Variants in ANKHD1 observed in about 807,000 individuals in gnomAD.
The protein encoded by ANKHD1 is ankyrin repeat and KH domain-containing protein 1.
Under a neutral mutation model 230.5 loss-of-function variants are expected in ANKHD1, and 31 were observed. That is an observed-to-expected ratio of 0.13 (90% CI 0.10 to 0.18). The LOEUF (loss-of-function observed/expected upper bound fraction) is 0.18. ANKHD1 is among the 10% of genes least tolerant of loss of function. The pLI is 1.00. For synonymous variants in ANKHD1, 1,074 were observed against 1,117.6 expected (o/e 0.96, Z 0.78); for missense variants, 2,256 against 3,071.3 (o/e 0.73, Z 6.27).
chr5:140,470,611 CT>C (rs386405120), intron 10 of ANKHD1, among the ~76,000 whole-genome samples: 1,393 of 71,774 alleles, frequency 0.019, 11 homozygotes, highest in African/African-American at 0.059. Context: ...CTTGTTTCTG[CT>C]TTTTTTTTTT....
At position 140,539,562 on chromosome 5, in the gene ANKHD1, T is replaced by A. The variant is rs985085392; in HGVS notation, c.*144T>A. 1.1e-6 allele frequency: 1 copy of A among 881,882 alleles called. No homozygotes were observed. The highest frequency in any genetic ancestry group is 1.7e-5 in the African/African-American group (1 of 58,998). 54.6% of individuals were successfully genotyped at this position (881,882 alleles called of 1,614,324 possible). Reference sequence around the variant, plus strand: ...GATTGCCCATTGTATAAGAACAAATTGATTTCCTATCCACCTGATTATGTT... The same window carrying A: ...GATTGCCCATTGTATAAGAACAAATAGATTTCCTATCCACCTGATTATGTT... On this transcript the variant is annotated 3_prime_UTR_variant, in exon 34 of 34. Coordinates refer to ENST00000360839, the MANE Select transcript of ANKHD1 (RefSeq NM_017747.3).
intron 24 of ANKHD1, among the ~76,000 whole-genome samples, chr5:140,518,361 A>C (rs1448324528): frequency 3.3e-5 from 5 of 152,148 alleles, no homozygotes; most frequent in Non-Finnish European, 7.3e-5. Flanking sequence ...CCAGAGGTAC[A>C]AGGAGGAGCT....
At chr5:140,459,026 ATATT>A (rs1171701144) in intron 8 of ANKHD1, 134 bp from the exon 9 acceptor site, 46 of 160,140 alleles carry the variant, frequency 2.9e-4, no homozygotes, top group Non-Finnish European at 4.2e-4. Context: ...ATATATATAT[ATATT>A]GCATTGATGA....
chr5:140,442,950 G>A (rs765085110), intron 5 of ANKHD1, among the ~76,000 whole-genome samples: 1 of 150,920 alleles, frequency 6.6e-6, no homozygotes, highest in East Asian at 1.9e-4. Context: ...CTGTTGCCCA[G>A]ACTGGAGTGC....
intron 4 of ANKHD1, 95 bp downstream of exon 4, chr5:140,440,361 C>G: frequency 7.0e-7 from 1 of 1,433,986 alleles, no homozygotes; most frequent in African/African-American, 1.5e-5. Flanking sequence ...AATTAGAGGC[C>G]AGAGTCTTCT....
intron 10 of ANKHD1, among the ~76,000 whole-genome samples, chr5:140,466,580 AC>A (rs1273912470): frequency 2.0e-5 from 3 of 152,192 alleles, no homozygotes; most frequent in African/African-American, 2.4e-5. Context: ...CCTTAGAAGA[AC>A]TACATTAATT....
At chr5:140,422,302 C>T (rs143491437) in intron 1 of ANKHD1, among the ~76,000 whole-genome samples, 8,589 of 151,804 alleles carry the variant, frequency 0.057, 831 homozygotes, top group African/African-American at 0.2. Flanking sequence ...TTTTGTATTT[C>T]TTAGGAGAGA....
intron 2 of ANKHD1, among the ~76,000 whole-genome samples, chr5:140,437,458 T>G (rs1179777935): frequency 6.6e-6 from 1 of 152,236 alleles, no homozygotes; most frequent in African/African-American, 2.4e-5. Context: ...ATCCCAGCAC[T>G]TCGGGAGGCC....
chr5:140,529,003 G>C lies in ANKHD1; in HGVS notation c.6057G>C (p.Glu2019Asp), dbSNP rs1407349190. The change falls in exon 29 of 34, where the codon GAG (glutamate) becomes GAC (aspartate). Residue 2019 changes from glutamate (E) to aspartate (D), a missense_variant. By Grantham distance (45) the Glu-to-Asp change is conservative. Transcript: ENST00000360839. ...SQAQLSSQKM[E>D]SFSAVPPTKE... ...CACAGCTTTCTTCACAAAAGATGGA[G>C]TCTTTCTCTGCTGTGCCACCCACCA... is the stretch of plus-strand genomic sequence containing the variant. 2 of 1,614,010 alleles carry C rather than the reference G, an allele frequency of 1.2e-6. No homozygotes were observed. Among genetic ancestry groups the C allele is most frequent in the African/African-American group, 2.7e-5 (2 of 74,918 alleles).
intron 1 of ANKHD1, among the ~76,000 whole-genome samples, chr5:140,410,704 C>T (rs1045271119): frequency 8.5e-5 from 13 of 152,094 alleles, no homozygotes; most frequent in African/African-American, 3.1e-4. Context: ...TCTATAGAGT[C>T]ATAGAATCTT....
chr5:140,462,883 T>C (rs1369810717), intron 9 of ANKHD1, among the ~76,000 whole-genome samples: 5 of 152,126 alleles, frequency 3.3e-5, no homozygotes, highest in Non-Finnish European at 7.4e-5. Context: ...TCTCACTCTG[T>C]TACCCTGGCT....
chr5:140,464,247 A>C (rs1775930830), intron 9 of ANKHD1, among the ~76,000 whole-genome samples: 1 of 151,676 alleles, frequency 6.6e-6, no homozygotes, highest in South Asian at 2.1e-4. Flanking sequence ...AAAAAAAAAA[A>C]CTTATATCTG....
At chr5:140,511,957 C>A (rs1050517173) in intron 22 of ANKHD1, among the ~76,000 whole-genome samples, 1 of 152,056 alleles carries the variant, frequency 6.6e-6, no homozygotes, top group Non-Finnish European at 1.5e-5. Flanking sequence ...ATATGCTGGC[C>A]GGGTGCGGTG....
chr5:140,469,630 C>A (rs750422555), intron 10 of ANKHD1, among the ~76,000 whole-genome samples: 1 of 152,068 alleles, frequency 6.6e-6, no homozygotes, highest in Admixed American at 6.5e-5. Flanking sequence ...TATGTGAAGA[C>A]ACCATTTACA....
intron 29 of ANKHD1, among the ~76,000 whole-genome samples, chr5:140,532,164 G>T (rs1006277760): frequency 6.7e-6 from 1 of 148,862 alleles, no homozygotes; most frequent in Non-Finnish European, 1.5e-5. Flanking sequence ...CTGAGATCGC[G>T]CCACTGCACT....
At chr5:140,424,526 T>C (rs1268467861) in intron 1 of ANKHD1, among the ~76,000 whole-genome samples, 1 of 152,150 alleles carries the variant, frequency 6.6e-6, no homozygotes, top group Non-Finnish European at 1.5e-5. Context: ...GGCTAGAATA[T>C]AAAAAGCAAA....
At chr5:140,496,482 T>C (rs1483277481) in intron 14 of ANKHD1, 38 bp from the exon 15 acceptor site, 4 of 1,036,356 alleles carry the variant, frequency 3.9e-6, no homozygotes, top group East Asian at 6.1e-5. Context: ...TTTTTTTTTT[T>C]AGCATGGCAC....
chr5:140,472,390 TC>T (rs1461679077), intron 10 of ANKHD1: 1 of 1,548,862 alleles, frequency 6.5e-7, no homozygotes, highest in South Asian at 1.2e-5. Context: ...GCCAAGAAGT[TC>T]CAGGACCCTG....
At chr5:140,419,823 T>TTTCC (rs1771775624) in intron 1 of ANKHD1, among the ~76,000 whole-genome samples, 1 of 124,612 alleles carries the variant, frequency 8.0e-6, no homozygotes, top group Non-Finnish European at 1.8e-5. Context: ...TCTTTCTTTC[T>TTTCC]TTCTTTCTTT....
Sources: gnomAD v4.1 joint callset for allele counts (sites outside exome capture counted in the v4.1 genomes callset) on GRCh38, gnomAD v4.1.1 for gene constraint, MANE v1.5 for transcripts, NCBI Gene and HGNC (gene_info 2026-07-23, HGNC 2026-07-21) for gene names.